The following SHANK2 variants were observed in gnomAD, a reference collection of about 807,000 sequenced individuals.
SHANK2 encodes the protein SH3 and multiple ankyrin repeat domains 2, also known as SH3 and multiple ankyrin repeat domains protein 2.
Under a neutral mutation model 133.7 loss-of-function variants are expected in SHANK2, and 43 were observed. The ratio of observed to expected loss-of-function variants is 0.32; its 90% CI spans 0.25 to 0.41. The LOEUF is 0.41. Among genes scored for constraint, SHANK2 ranks in the 10% least tolerant of loss-of-function variants. The pLI is 1.00. For missense variants in SHANK2, 1,994 were observed against 2,235.8 expected, an observed-to-expected ratio of 0.89 and a Z score of 2.18; for synonymous variants, 1,017 against 952.8, an observed-to-expected ratio of 1.07 and a Z score of -1.24.
chr11:71,138,786 A>C (rs1952495655), intron 3 of SHANK2, among the ~76,000 whole-genome samples: 1 of 137,546 alleles, frequency 7.3e-6, no homozygotes, highest in South Asian at 2.3e-4. Flanking sequence ...GCAAGACCCT[A>C]TCTCAAAAAA....
intron 21 of SHANK2, among the ~76,000 whole-genome samples, chr11:70,495,168 G>A (rs1175435205): frequency 6.6e-6 from 1 of 152,198 alleles, no homozygotes; most frequent in African/African-American, 2.4e-5. Context: ...AGCAGGTGCT[G>A]CATGGCTGCC....
intron 17 of SHANK2, among the ~76,000 whole-genome samples, chr11:70,541,592 G>A (rs112314331): frequency 7.9e-5 from 12 of 152,378 alleles, no homozygotes; most frequent in African/African-American, 2.2e-4. Flanking sequence ...GATGTGGGGC[G>A]TGGAGCCTGG....
intron 14 of SHANK2, among the ~76,000 whole-genome samples, chr11:70,701,915 CCAT>C (rs1180914942): frequency 6.6e-6 from 1 of 151,676 alleles, no homozygotes; most frequent in African/African-American, 2.4e-5. Context: ...ATCATCACCA[CCAT>C]CATCACCACC....
intron 17 of SHANK2, among the ~76,000 whole-genome samples, chr11:70,539,145 C>T (rs1554974715): frequency 1.3e-5 from 2 of 152,188 alleles, no homozygotes; most frequent in African/African-American, 4.8e-5. Flanking sequence ...AGAAGGGCTG[C>T]AGAGGCAGGC....
intron 14 of SHANK2, among the ~76,000 whole-genome samples, chr11:70,709,675 C>T (rs139916599): frequency 0.013 from 1,943 of 152,266 alleles, 24 homozygotes; most frequent in Middle Eastern, 0.041. Flanking sequence ...GAAGGCTTAG[C>T]GCACACACTC....
At chr11:71,158,697 G>C (rs1271248044) in intron 2 of SHANK2, among the ~76,000 whole-genome samples, 2 of 152,194 alleles carry the variant, frequency 1.3e-5, no homozygotes, top group African/African-American at 4.8e-5. Context: ...CATTCTACCA[G>C]ATGCCAAGGC....
chr11:70,853,364 G>A (rs1322982403), intron 11 of SHANK2, among the ~76,000 whole-genome samples: 5 of 152,210 alleles, frequency 3.3e-5, no homozygotes, highest in African/African-American at 9.7e-5. Flanking sequence ...GAGTCACAGC[G>A]GCCGTGGGGA....
intron 17 of SHANK2, among the ~76,000 whole-genome samples, chr11:70,558,955 ACG>A (rs772512325): frequency 2.8e-4 from 42 of 152,220 alleles, no homozygotes; most frequent in South Asian, 6.2e-4. Context: ...GTGCACACAC[ACG>A]CCTCTTAATA....
chr11:70,717,561 G>A (rs924896021), intron 14 of SHANK2, among the ~76,000 whole-genome samples: 6 of 152,278 alleles, frequency 3.9e-5, no homozygotes, highest in South Asian at 4.1e-4. Context: ...TTGCCACCCC[G>A]TCTCACCAAG....
At chr11:70,954,388 G>A (rs895022092) in intron 10 of SHANK2, among the ~76,000 whole-genome samples, 5 of 152,234 alleles carry the variant, frequency 3.3e-5, no homozygotes, top group African/African-American at 1.2e-4. Flanking sequence ...CAGAGGAACT[G>A]CAGAGTGCAC....
At chr11:71,126,073 C>T (rs1952178666) in intron 3 of SHANK2, among the ~76,000 whole-genome samples, 1 of 151,844 alleles carries the variant, frequency 6.6e-6, no homozygotes, top group Non-Finnish European at 1.5e-5. Flanking sequence ...CAAAAATTAG[C>T]TGGGTGTGGT....
At chr11:70,794,097 A>G (rs1446924372) in intron 14 of SHANK2, among the ~76,000 whole-genome samples, 1 of 152,080 alleles carries the variant, frequency 6.6e-6, no homozygotes, top group African/African-American at 2.4e-5. Flanking sequence ...TCTGGCAAAC[A>G]TGGTGAAATC....
At position 70,882,523 on chromosome 11, in the gene SHANK2, C is replaced by A. The variant is rs1434248537; in HGVS notation, c.1174+13978G>T. On this transcript the variant is annotated intron_variant, in intron 11 of 25. Transcript: ENST00000601538. The surrounding 1 kb of genome is among the most constrained non-coding windows in gnomAD (Gnocchi z 4.2). ...CCTTGGCAGTATCTGGTCACTGCTG[C>A]AGGCTGACATGTGACCTTGTCATTA... 1.3e-5 allele frequency among the ~76,000 whole-genome samples: 2 copies of A among 152,202 alleles called. No individual in the cohort carries two copies. The highest frequency in any genetic ancestry group is 2.9e-5 in the Non-Finnish European group (2 of 68,036).
Position 70,473,995 on chromosome 11 carries a change from G to A in SHANK2, c.4980-556C>T, listed in dbSNP as rs1247744069. On this transcript the variant is annotated intron_variant, in intron 25 of 25. Transcript: ENST00000601538. The surrounding 1 kb of genome is among the most constrained non-coding windows in gnomAD (Gnocchi z 5.9). ...CAGCCTTAGGCTTTTTGGGTAAATG[G>A]ACAAGAGCAGGGCAGGATCCTTCCC... The A allele has an allele frequency of 4.8e-6, 1 of 207,596 alleles. No homozygotes were observed. The highest frequency in any genetic ancestry group is 1.0e-5 in the Non-Finnish European group (1 of 99,808). The allele number at this position is 207,596 out of a possible 1,614,324, so 12.9% of individuals were successfully genotyped here.
intron 9 of SHANK2, among the ~76,000 whole-genome samples, chr11:71,073,136 C>CTTTTTTTTTTTT (rs1178533659): frequency 1.4e-5 from 1 of 72,336 alleles, no homozygotes; most frequent in Non-Finnish European, 3.5e-5. Flanking sequence ...TGTTTTTTTT[C>CTTTTTTTTTTTT]TTTTTCTTTT....
At chr11:71,104,092 C>T (rs1555097296) in intron 6 of SHANK2, among the ~76,000 whole-genome samples, 1 of 152,074 alleles carries the variant, frequency 6.6e-6, no homozygotes, top group Non-Finnish European at 1.5e-5. Flanking sequence ...TTATAAACTA[C>T]CCAGCCTCAG....
At chr11:70,558,747 C>T (rs556020812) in intron 17 of SHANK2, among the ~76,000 whole-genome samples, 1 of 152,218 alleles carries the variant, frequency 6.6e-6, no homozygotes, top group Non-Finnish European at 1.5e-5. Context: ...CACACCTGAG[C>T]GGGAGGCGAC....
intron 17 of SHANK2, among the ~76,000 whole-genome samples, chr11:70,560,804 G>A (rs2059900428): frequency 6.6e-6 from 1 of 151,996 alleles, no homozygotes; most frequent in Non-Finnish European, 1.5e-5. Flanking sequence ...GCTAGTTTTT[G>A]TATTTTTAGT....
At chr11:71,248,551 T>C (rs1285175217) in intron 1 of SHANK2, among the ~76,000 whole-genome samples, 1 of 152,208 alleles carries the variant, frequency 6.6e-6, no homozygotes, top group Non-Finnish European at 1.5e-5. Context: ...GAATCGGAGC[T>C]GGCTCATTGG....
Sources: allele counts gnomAD v4.1 joint callset (sites outside exome capture counted in the v4.1 genomes callset), GRCh38; gene constraint gnomAD v4.1.1; non-coding constraint Gnocchi (gnomAD v3.1); transcripts MANE v1.5; gene names NCBI Gene and HGNC (gene_info 2026-07-23, HGNC 2026-07-21).